The following DLC1 variants were observed in gnomAD, a reference collection of about 807,000 sequenced individuals.
The protein encoded by DLC1 is rho GTPase-activating protein 7.
A neutral mutation model predicts 140.3 loss-of-function variants in DLC1; 54 were observed. The observed-to-expected ratio is 0.38, with a 90% CI of 0.31 to 0.48. DLC1 has a LOEUF of 0.48. Ranked by LOEUF, DLC1 falls within the 20% of genes least tolerant of loss-of-function variation. The probability of loss-of-function intolerance (pLI) is 0.96; values close to 1 mark genes in which losing one functional copy is unlikely to be tolerated. For missense variants in DLC1, 2,536 were observed against 1,907.0 expected, an observed-to-expected ratio of 1.33 and a Z score of -6.14; for synonymous variants, 986 against 728.1, an observed-to-expected ratio of 1.35 and a Z score of -5.70.
At chr8:13,418,690 G>T (rs189912018) in intron 2 of DLC1, among the ~76,000 whole-genome samples, 2,151 of 152,134 alleles carry the variant, frequency 0.014, 62 homozygotes, top group African/African-American at 0.048. Flanking sequence ...TTGACTTGGC[G>T]ATGCGGGCTC....
At chr8:13,150,245 A>T (rs1823709464) in intron 5 of DLC1, among the ~76,000 whole-genome samples, 1 of 152,224 alleles carries the variant, frequency 6.6e-6, no homozygotes, top group Admixed American at 6.5e-5. Context: ...TTTTTTTATA[A>T]GAAAAAAGTT....
intron 5 of DLC1, among the ~76,000 whole-genome samples, chr8:13,189,849 T>C (rs1307684857): frequency 1.3e-5 from 2 of 151,150 alleles, no homozygotes; most frequent in East Asian, 3.9e-4. Flanking sequence ...GCCATTGCAC[T>C]CCAGCTTGGG....
At chr8:13,488,906 T>C (rs1468688712) in intron 2 of DLC1, among the ~76,000 whole-genome samples, 1 of 152,198 alleles carries the variant, frequency 6.6e-6, no homozygotes, top group Non-Finnish European at 1.5e-5. Flanking sequence ...ATAATAAATA[T>C]TTAGCCAACG....
At chr8:13,245,869 T>A (rs1286999877) in intron 5 of DLC1, among the ~76,000 whole-genome samples, 1 of 151,882 alleles carries the variant, frequency 6.6e-6, no homozygotes, top group Non-Finnish European at 1.5e-5. Flanking sequence ...CCCGGCTAAT[T>A]TTTTGTATTT....
chr8:13,380,327 T>G lies in DLC1; in HGVS notation c.1314+13226A>C, dbSNP rs1272985751. Among the ~76,000 whole-genome samples the G allele has an allele frequency of 8.5e-5, 13 of 152,368 alleles. No individual in the cohort carries two copies. The South Asian group carries it at 2.3e-3, about 27-fold the overall frequency. The stretch of plus-strand genomic sequence containing the variant: ...CTTTTTTATTGTGTTCAAATTTATT[T>G]GTATTTGTTTCCATTGTAAGTCAAT... On this transcript the variant is annotated intron_variant, in intron 4 of 17. Transcript: ENST00000276297.
intron 4 of DLC1, among the ~76,000 whole-genome samples, chr8:13,372,690 T>G (rs1729167): frequency 6.6e-6 from 1 of 151,914 alleles, no homozygotes; most frequent in Non-Finnish European, 1.5e-5. Context: ...ACGTCATTGA[T>G]AGTGGAAAGT....
In DLC1 at chr8:13,587,279, C is replaced by T. The variant is rs972787090; in HGVS notation, c.-126+17258G>A. Among the ~76,000 whole-genome samples, 2 of 148,292 alleles carry T rather than the reference C, an allele frequency of 1.3e-5. 1 individual carries two copies. The highest frequency in any genetic ancestry group is 5.0e-5 in the African/African-American group (2 of 40,258). On this transcript the variant is annotated intron_variant, in intron 1 of 1. Coordinates refer to the DLC1 transcript ENST00000631382. ...TTTAAAGGGTGTGCTTTTAGTGTAA[C>T]CATAGCCAAGAAAAAAAAAAGAGAG...
Position 13,095,184 on chromosome 8 carries a change from C to T in DLC1, c.3229G>A (p.Gly1077Arg). ...VPDYKDRSVF[G>R]VPLTVNVQRT... ...TGCACGTTGACCGTCAGTGGGACCCCAAACACACTCCGGTCCTTGTAGTCT... is the reference window on the plus strand; with the variant it reads ...TGCACGTTGACCGTCAGTGGGACCCTAAACACACTCCGGTCCTTGTAGTCT... The change falls in exon 11 of 18, where the codon GGG (glycine) becomes AGG (arginine). Residue 1077 changes from glycine (G) to arginine (R), a missense_variant. Transcript: ENST00000276297. 1 of 1,614,242 alleles carries T rather than the reference C, an allele frequency of 6.2e-7. No individual in the cohort carries two copies. The highest frequency in any genetic ancestry group is 2.2e-5 in the East Asian group (1 of 44,888).
chr8:13,435,035 G>A (rs535598447), intron 2 of DLC1, among the ~76,000 whole-genome samples: 51 of 152,274 alleles, frequency 3.3e-4, no homozygotes, highest in African/African-American at 1.2e-3. Flanking sequence ...GCCATGGATA[G>A]AATTTCTTTG....
intron 5 of DLC1, among the ~76,000 whole-genome samples, chr8:13,273,182 C>A (rs1393987216): frequency 2.0e-5 from 3 of 152,152 alleles, no homozygotes; most frequent in Non-Finnish European, 4.4e-5. Flanking sequence ...GAGGCAACTG[C>A]CCTTCAGGAA....
chr8:13,412,560 A>G (rs1837825514), intron 2 of DLC1, among the ~76,000 whole-genome samples: 2 of 152,268 alleles, frequency 1.3e-5, no homozygotes, highest in Middle Eastern at 3.4e-3. Flanking sequence ...TTGGATCACA[A>G]TGCAGTAGTT....
chr8:13,226,820 G>C (rs1828813528), intron 5 of DLC1, among the ~76,000 whole-genome samples: 2 of 152,284 alleles, frequency 1.3e-5, no homozygotes, highest in South Asian at 4.2e-4. Flanking sequence ...AAAATGCTTA[G>C]CTTTTGACCT....
intron 1 of DLC1, among the ~76,000 whole-genome samples, chr8:13,565,964 C>G (rs1804413884): frequency 6.6e-6 from 1 of 152,138 alleles, no homozygotes; most frequent in African/African-American, 2.4e-5. Context: ...ACTTATAGTA[C>G]TTATTTCTCC....
chr8:13,189,863 C>G (rs577705168), intron 5 of DLC1, among the ~76,000 whole-genome samples: 2 of 144,994 alleles, frequency 1.4e-5, no homozygotes, highest in Non-Finnish European at 3.0e-5. Flanking sequence ...GCTTGGGCAA[C>G]AAGAGCGAAA....
chr8:13,398,056 G>T (rs1563314228), intron 3 of DLC1, among the ~76,000 whole-genome samples: 1 of 152,026 alleles, frequency 6.6e-6, no homozygotes, highest in Admixed American at 6.6e-5. Context: ...GCTTGAACCA[G>T]GGAGGCAGAG....
At chr8:13,153,202 G>GT (rs529411335) in intron 5 of DLC1, among the ~76,000 whole-genome samples, 12 of 152,280 alleles carry the variant, frequency 7.9e-5, no homozygotes, top group African/African-American at 2.6e-4. Context: ...CGTGTTCAGG[G>GT]TTTTTTTCCT....
intron 1 of DLC1, among the ~76,000 whole-genome samples, chr8:13,596,536 T>TAAG (rs372315037): frequency 4.1e-4 from 62 of 152,122 alleles, no homozygotes; most frequent in African/African-American, 4.8e-4. Flanking sequence ...TTTAACTCTT[T>TAAG]AAGAAATTAG....
At chr8:13,372,854 T>C (rs1395079872) in intron 4 of DLC1, among the ~76,000 whole-genome samples, 1 of 152,194 alleles carries the variant, frequency 6.6e-6, no homozygotes, top group Non-Finnish European at 1.5e-5. Flanking sequence ...CTTTATAATT[T>C]ATAATAAATG....
At chr8:13,368,375 G>A (rs1835587313) in intron 4 of DLC1, among the ~76,000 whole-genome samples, 1 of 152,084 alleles carries the variant, frequency 6.6e-6, no homozygotes, top group East Asian at 1.9e-4. Flanking sequence ...TAGTAAAGAT[G>A]TCTGTTGTTG....
Sources: gnomAD v4.1 joint callset for allele counts (sites outside exome capture counted in the v4.1 genomes callset) on GRCh38, gnomAD v4.1.1 for gene constraint, MANE v1.5 for transcripts, NCBI Gene and HGNC (gene_info 2026-07-23, HGNC 2026-07-21) for gene names.